SAMSN1: variants seen among roughly 807,000 people sequenced by gnomAD.
SAMSN1 encodes the protein SAM domain-containing protein SAMSN-1.
In SAMSN1, 31 loss-of-function variants were observed where a neutral mutation model predicts 42.0. That is an observed-to-expected ratio of 0.74 (90% CI 0.55 to 1.00). The LOEUF is 1.00. SAMSN1 is among the 50% of genes least tolerant of loss of function. SAMSN1 has a pLI of 0.00. For synonymous variants in SAMSN1, 178 were observed against 151.9 expected (o/e 1.17, Z -1.26); for missense variants, 464 against 439.4 (o/e 1.06, Z -0.50).
intron 7 of SAMSN1, 88 bp downstream of exon 7, chr21:14,498,354 A>C: frequency 8.5e-7 from 1 of 1,176,920 alleles, no homozygotes. Flanking sequence ...GATCTCAGTA[A>C]ATAAAACTGG....
rs539847574 is a variant in SAMSN1 at position 14,539,890 on chromosome 21, A to G, written c.57+6315T>C. On this transcript the variant is annotated intron_variant, in intron 1 of 7. Coordinates refer to ENST00000400566, the MANE Select transcript of SAMSN1 (RefSeq NM_022136.5). ...GAGGCATCACGCTACCTGACTTCAAACTATACTACAAGACTACAGTAACAA... is the reference window on the plus strand; with the variant it reads ...GAGGCATCACGCTACCTGACTTCAAGCTATACTACAAGACTACAGTAACAA... 9.2e-5 allele frequency among the ~76,000 whole-genome samples: 14 copies of G among 152,328 alleles called. No homozygotes were observed. In the East Asian group the frequency reaches 2.7e-3, roughly 29 times the overall value.
At chr21:14,637,256 G>T (rs1305736949) in intron 2 of SAMSN1, among the ~76,000 whole-genome samples, 3 of 152,118 alleles carry the variant, frequency 2.0e-5, no homozygotes, top group Admixed American at 6.5e-5. Flanking sequence ...TTTCAGCATC[G>T]AACTGAAATG....
At chr21:14,557,819 A>G (rs1433882050) in intron 2 of SAMSN1, among the ~76,000 whole-genome samples, 1 of 152,166 alleles carries the variant, frequency 6.6e-6, no homozygotes, top group Middle Eastern at 3.2e-3. Flanking sequence ...ACTACCAGTC[A>G]GTTCTTACCT....
upstream of SAMSN1, among the ~76,000 whole-genome samples, chr21:14,549,244 T>A (rs1207437437): frequency 6.6e-6 from 1 of 152,156 alleles, no homozygotes; most frequent in Non-Finnish European, 1.5e-5. Flanking sequence ...CAAAGTGATG[T>A]CCTCGATTCT....
At chr21:14,578,173 G>A (rs147274834) in intron 2 of SAMSN1, among the ~76,000 whole-genome samples, 31 of 152,174 alleles carry the variant, frequency 2.0e-4, no homozygotes, top group Admixed American at 5.9e-4. Flanking sequence ...TAACTACTGG[G>A]TGTTTTTGGT....
upstream of SAMSN1, chr21:14,583,820 A>T (rs1042811892): frequency 2.9e-6 from 2 of 699,454 alleles, no homozygotes; most frequent in Non-Finnish European, 2.6e-6. Flanking sequence ...TATTCCTCAC[A>T]AAAGATTAAA....
chr21:14,653,603 T>C (rs1006217627), intron 1 of SAMSN1, among the ~76,000 whole-genome samples: 9 of 151,996 alleles, frequency 5.9e-5, no homozygotes, highest in Non-Finnish European at 1.0e-4. Context: ...AGGGTGACTA[T>C]TGTCAATAAT....
chr21:14,593,705 A>G (rs1982161355), intron 7 of SAMSN1: 1 of 214,988 alleles, frequency 4.7e-6, no homozygotes, highest in Non-Finnish European at 9.3e-6. Context: ...ATTTCCCCCA[A>G]AATCAGACGA....
At chr21:14,635,081 A>G (rs1488971194) in intron 2 of SAMSN1, among the ~76,000 whole-genome samples, 1 of 152,192 alleles carries the variant, frequency 6.6e-6, no homozygotes, top group Non-Finnish European at 1.5e-5. Context: ...TAACACAGGA[A>G]CAGAAGACCA....
intron 2 of SAMSN1, among the ~76,000 whole-genome samples, chr21:14,616,484 A>G (rs1015518455): frequency 1.3e-5 from 2 of 152,200 alleles, no homozygotes; most frequent in Non-Finnish European, 2.9e-5. Flanking sequence ...GCCTATCACA[A>G]TACCCTCAGG....
chr21:14,583,727 C>T (rs764417060), upstream of SAMSN1: 1 of 717,706 alleles, frequency 1.4e-6, no homozygotes, highest in South Asian at 1.5e-5. Flanking sequence ...TTTCTGTAGT[C>T]GCTTTAATGT....
At position 14,654,879 on chromosome 21, in the gene SAMSN1, AGAG is replaced by A. The variant is rs1291723657; in HGVS notation, c.24+3866_24+3868del. Among the ~76,000 whole-genome samples the A allele has an allele frequency of 7.2e-5, 11 of 151,984 alleles. No homozygotes were observed. The East Asian group carries it at 1.9e-3, about 27-fold the overall frequency. ...GAAAGAAAGAAAGAGAGAAAGAGAGAGAGAAGAAGAAAAAGAGTTGTCATTCTA... is the reference window on the plus strand; with the variant it reads ...GAAAGAAAGAAAGAGAGAAAGAGAGAAAGAAGAAAAAGAGTTGTCATTCTA... On this transcript the variant is annotated intron_variant, in intron 1 of 15. Transcript: ENST00000647101.
chr21:14,636,655 C>T (rs1386024763), intron 2 of SAMSN1, among the ~76,000 whole-genome samples: 1 of 152,162 alleles, frequency 6.6e-6, no homozygotes, highest in African/African-American at 2.4e-5. Context: ...TTGAGACCAT[C>T]CTGGCCAACA....
At chr21:14,517,950 C>A (rs1456540233) in intron 2 of SAMSN1, among the ~76,000 whole-genome samples, 1 of 152,160 alleles carries the variant, frequency 6.6e-6, no homozygotes, top group African/African-American at 2.4e-5. Flanking sequence ...CCTGGACCAG[C>A]GGCATTAACA....
chr21:14,641,456 C>G lies in SAMSN1; in HGVS notation c.156+1546G>C, dbSNP rs144198906. On this transcript the variant is annotated intron_variant, in intron 2 of 15. Transcript: ENST00000647101. ...AAAACTTAAAAGTAATTTGTTGTTA[C>G]CCTTTCTCTAAAGCACAAAAGATCT... 1.3e-3 allele frequency among the ~76,000 whole-genome samples: 193 copies of G among 152,210 alleles called. 1 individual carries two copies. The highest frequency in any genetic ancestry group is 4.1e-3 in the African/African-American group (170 of 41,554).
chr21:14,643,157 C>G, intron 1 of SAMSN1: 1 of 714,326 alleles, frequency 1.4e-6, no homozygotes, highest in Non-Finnish European at 2.6e-6. Flanking sequence ...ATTTATGAGT[C>G]AAGGAATAAC....
rs116361326 is a variant in SAMSN1, at chr21:14,567,531, G to A, written c.261+14605C>T. On this transcript the variant is annotated intron_variant, in intron 2 of 8. Coordinates refer to the SAMSN1 transcript ENST00000285670. ...CAAATATTCTCTAATGGGATTTTTA[G>A]CCCAGTCGGTTGGAAAGCACAAAAC... Among the ~76,000 whole-genome samples, 811 of 152,236 alleles carry A rather than the reference G, an allele frequency of 5.3e-3. 10 individuals are homozygous for A. Among genetic ancestry groups the A allele is most frequent in the African/African-American group, 0.019 (790 of 41,546 alleles).
At chr21:14,580,654 T>C (rs549755493) in intron 2 of SAMSN1, among the ~76,000 whole-genome samples, 3 of 152,390 alleles carry the variant, frequency 2.0e-5, no homozygotes, top group South Asian at 4.1e-4. Context: ...CAGATACCTG[T>C]TATATTTACT....
chr21:14,599,390 G>T (rs1399926588), intron 6 of SAMSN1, among the ~76,000 whole-genome samples: 1 of 152,142 alleles, frequency 6.6e-6, no homozygotes, highest in Admixed American at 6.6e-5. Context: ...TGTGAAGAAG[G>T]TGCCTGCTTC....
Sources: gnomAD v4.1 joint callset for allele counts (sites outside exome capture counted in the v4.1 genomes callset) on GRCh38, gnomAD v4.1.1 for gene constraint, MANE v1.5 for transcripts, NCBI Gene and HGNC (gene_info 2026-07-23, HGNC 2026-07-21) for gene names.